JCAD: variants seen among roughly 807,000 people sequenced by gnomAD.
The protein encoded by JCAD is junctional cadherin 5-associated protein.
In JCAD, 40 loss-of-function variants were observed where a neutral mutation model predicts 98.0. The observed-to-expected ratio is 0.41, with a 90% CI of 0.32 to 0.53. JCAD has a LOEUF of 0.53. JCAD is among the 20% of genes least tolerant of loss of function. The pLI is 0.31. For missense variants in JCAD, 1,705 were observed against 1,738.1 expected (o/e 0.98, Z 0.34); for synonymous variants, 691 against 682.3 (o/e 1.01, Z -0.20).
At chr10:30,057,904 C>T (rs2478832) in intron 1 of JCAD, among the ~76,000 whole-genome samples, 43,972 of 152,122 alleles carry the variant, frequency 0.29, 8,187 homozygotes, top group Non-Finnish European at 0.41. Flanking sequence ...CAATGTCACA[C>T]GAAAACCAAC....
At chr10:30,024,772 C>G (rs1836749747) in intron 3 of JCAD, among the ~76,000 whole-genome samples, 1 of 150,364 alleles carries the variant, frequency 6.7e-6, no homozygotes, top group Non-Finnish European at 1.5e-5. Context: ...CTCGGCTCAC[C>G]ACAAGCTCCG....
At chr10:30,040,215 C>A (rs1194298073) in intron 2 of JCAD, among the ~76,000 whole-genome samples, 1 of 152,198 alleles carries the variant, frequency 6.6e-6, no homozygotes, top group Non-Finnish European at 1.5e-5. Flanking sequence ...TCACAAGACG[C>A]TGCTCCTCCT....
At chr10:30,066,670 C>A (rs1371749480) in intron 2 of JCAD, among the ~76,000 whole-genome samples, 1 of 152,176 alleles carries the variant, frequency 6.6e-6, no homozygotes, top group Non-Finnish European at 1.5e-5. Flanking sequence ...CCATTCCATA[C>A]CAGCTAATCA....
Position 30,029,371 on chromosome 10 carries a change from T to C in JCAD, c.777A>G (p.Pro259=). 2 of 1,613,968 alleles carry C rather than the reference T, an allele frequency of 1.2e-6. No homozygotes were observed. Among genetic ancestry groups the C allele is most frequent in the Non-Finnish European group, 1.7e-6 (2 of 1,180,018 alleles). Residue 259 remains proline (P), a synonymous_variant, in exon 3 of 4, where the codon CCA becomes CCG. Transcript: ENST00000375377. The part of the protein sequence containing the change: ...PLNERHSPKM[P]PYPPTCAPNL... ...TTGGTGCGCAAGTGGGAGGATACGG[T>C]GGCATTTTAGGTGAATGTCTTTCAT...
At chr10:30,078,066 C>T (rs1838010089) in intron 1 of JCAD, among the ~76,000 whole-genome samples, 1 of 152,192 alleles carries the variant, frequency 6.6e-6, no homozygotes, top group Non-Finnish European at 1.5e-5. Context: ...CATATCCCTG[C>T]CAATATTTGT....
rs987153267 is a variant in JCAD, at chr10:30,059,545, C to CGCGCT, written c.-124_-123insAGCGC. ...GCCGCTCCGGCCGGCCGGGGACCAG[C>CGCGCT]GCGACCCGCCCCGCCTGCAGCCGCC... On this transcript the variant is annotated 5_prime_UTR_variant, in exon 1 of 4. An upstream open reading frame in the 5' UTR loses its in-frame stop. Transcript: ENST00000375377. This position sits in a 1 kb window ranked among gnomAD's most constrained non-coding sequence, Gnocchi z 5.0. The CGCGCT allele has an allele frequency of 6.1e-4, 89 of 146,386 alleles. No homozygotes were observed. In the Middle Eastern group the frequency reaches 0.014, roughly 23 times the overall value. 9.1% of individuals were successfully genotyped at this position (146,386 alleles called of 1,614,324 possible).
chr10:30,071,343 G>A (rs1170421727), intron 1 of JCAD, among the ~76,000 whole-genome samples: 2 of 152,150 alleles, frequency 1.3e-5, no homozygotes, highest in African/African-American at 4.8e-5. Context: ...GGGAAGTGTA[G>A]TATCAAAGAG....
chr10:30,034,301 C>T (rs1038142536), intron 2 of JCAD, among the ~76,000 whole-genome samples: 1 of 151,996 alleles, frequency 6.6e-6, no homozygotes, highest in Non-Finnish European at 1.5e-5. Context: ...ACTTGTTAGG[C>T]AGTCATTTAC....
At chr10:30,095,250 G>A (rs1423507959) in intron 1 of JCAD, among the ~76,000 whole-genome samples, 2 of 152,100 alleles carry the variant, frequency 1.3e-5, no homozygotes, top group African/African-American at 4.8e-5. Flanking sequence ...GTCTCTTAAC[G>A]TTATTTTCTG....
intron 1 of JCAD, among the ~76,000 whole-genome samples, chr10:30,080,362 C>G (rs1838060753): frequency 6.6e-6 from 1 of 152,152 alleles, no homozygotes; most frequent in Non-Finnish European, 1.5e-5. Flanking sequence ...CCTTCTCTCT[C>G]TTTCCCCAAT....
At chr10:30,081,757 G>A (rs140155012) in intron 1 of JCAD, among the ~76,000 whole-genome samples, 425 of 152,238 alleles carry the variant, frequency 2.8e-3, no homozygotes, top group African/African-American at 9.7e-3. Flanking sequence ...TTGAATGCTA[G>A]CACGTACCAG....
intron 2 of JCAD, among the ~76,000 whole-genome samples, chr10:30,038,280 A>G (rs1434565638): frequency 6.6e-6 from 1 of 152,166 alleles, no homozygotes; most frequent in Non-Finnish European, 1.5e-5. Flanking sequence ...GGAAACTGTC[A>G]TGGTAATTCT....
chr10:30,067,572 C>T (rs1204879415), intron 2 of JCAD, among the ~76,000 whole-genome samples: 3 of 152,172 alleles, frequency 2.0e-5, no homozygotes, highest in African/African-American at 7.2e-5. Context: ...AGGTTATCTG[C>T]CCACTTTGGC....
At chr10:30,090,943 G>A (rs1838252154) in intron 1 of JCAD, among the ~76,000 whole-genome samples, 1 of 152,142 alleles carries the variant, frequency 6.6e-6, no homozygotes, top group African/African-American at 2.4e-5. Context: ...TTCATGGCTG[G>A]GCCTCCCAAG....
intron 1 of JCAD, among the ~76,000 whole-genome samples, chr10:30,077,839 C>T (rs1419595176): frequency 6.6e-6 from 1 of 152,208 alleles, no homozygotes; most frequent in Admixed American, 6.5e-5. Flanking sequence ...TTTTCTCCAC[C>T]TTTGGCCGTT....
chr10:30,025,886 A>C, intron 3 of JCAD: 19 of 568,556 alleles, frequency 3.3e-5, no homozygotes, highest in East Asian at 6.4e-5. Flanking sequence ...GTGAGATACT[A>C]TCTCAAAAAA....
chr10:30,060,530 A>T (rs1837680430), upstream of JCAD, among the ~76,000 whole-genome samples: 1 of 152,232 alleles, frequency 6.6e-6, no homozygotes, highest in South Asian at 2.1e-4. Context: ...AATATTGCTG[A>T]TGCATTGGGG....
At position 30,026,136 on chromosome 10, in the gene JCAD, C is replaced by A. The variant is rs1415887920; in HGVS notation, c.4012G>T (p.Glu1338Ter). Residue 1338 changes from glutamate (E) to a stop codon, truncating the protein, a stop_gained, in exon 3 of 4, where the codon GAG becomes TAG. Transcript: ENST00000375377. LOFTEE classifies it high-confidence loss of function. The stretch of plus-strand genomic sequence containing the variant: ...CAGAAGTCTTGATCCATGCTCTTCT[C>A]CTTTTGTGCTGCCGGATGCTCCTTC... ...EEKEHPAAQK[E>*]KSMDQDFWCP... 1 of 1,614,194 alleles carries A rather than the reference C, an allele frequency of 6.2e-7. No homozygotes were observed. Among genetic ancestry groups the A allele is most frequent in the Non-Finnish European group, 8.5e-7 (1 of 1,180,040 alleles).
chr10:30,085,555 C>T (rs114373694), intron 1 of JCAD, among the ~76,000 whole-genome samples: 2,907 of 152,096 alleles, frequency 0.019, 104 homozygotes, highest in African/African-American at 0.065. Context: ...GATGCCCTTA[C>T]GTGATGGGAT....
Sources: allele counts gnomAD v4.1 joint callset (sites outside exome capture counted in the v4.1 genomes callset), GRCh38; gene constraint gnomAD v4.1.1; non-coding constraint Gnocchi (gnomAD v3.1); transcripts MANE v1.5; gene names NCBI Gene and HGNC (gene_info 2026-07-23, HGNC 2026-07-21).